The following HTR2C variants were observed in gnomAD, a reference collection of about 807,000 sequenced individuals.
The protein encoded by HTR2C is 5-hydroxytryptamine receptor 2C, also known as 5-hydroxytryptamine (serotonin) receptor 2C, G protein-coupled.
A neutral mutation model predicts 21.0 loss-of-function variants in HTR2C; 5 were observed. That is an observed-to-expected ratio of 0.24 (90% CI 0.12 to 0.50). HTR2C has a LOEUF of 0.50. HTR2C is among the 20% of genes least tolerant of loss of function. The pLI is 0.98. For missense variants in HTR2C, 271 were observed against 371.2 expected (o/e 0.73, Z 2.22); for synonymous variants, 150 against 145.3 (o/e 1.03, Z -0.23).
At chrX:114,720,122 A>G (rs1488266804) in intron 2 of HTR2C, among the ~76,000 whole-genome samples, 1 of 111,455 alleles carries the variant, frequency 9.0e-6, no homozygotes, top group Admixed American at 9.6e-5. Context: ...CCAGAGAAAG[A>G]GATGTCTGTG....
At chrX:114,905,104 G>A (rs782067424) in intron 5 of HTR2C, among the ~76,000 whole-genome samples, 4 of 110,708 alleles carry the variant, frequency 3.6e-5, no homozygotes, top group Admixed American at 9.7e-5. Flanking sequence ...GTGACTTACT[G>A]TTTGCAGTGC....
intron 4 of HTR2C, among the ~76,000 whole-genome samples, chrX:114,759,641 A>G (rs2069846235): frequency 9.0e-6 from 1 of 111,380 alleles, no homozygotes; most frequent in South Asian, 3.8e-4. Context: ...AAATATTTAC[A>G]TCATCTTTAA....
chrX:114,897,580 C>T (rs1226789703), intron 5 of HTR2C, among the ~76,000 whole-genome samples: 1 of 111,170 alleles, frequency 9.0e-6, no homozygotes, highest in African/African-American at 3.3e-5. Flanking sequence ...TGGCAGGCCC[C>T]AGTGTGTATT....
At chrX:114,688,316 A>T (rs1931988070) in intron 2 of HTR2C, among the ~76,000 whole-genome samples, 1 of 40,567 alleles carries the variant, frequency 2.5e-5, no homozygotes, top group African/African-American at 7.4e-5. Context: ...ATGAGACTCC[A>T]TCTCAAAAAA....
Position 114,821,993 on chromosome X carries a change from C to T in HTR2C, c.350-26010C>T, listed in dbSNP as rs140631713. Among the ~76,000 whole-genome samples the T allele has an allele frequency of 3.4e-4, 36 of 105,732 alleles. No homozygotes were observed. The East Asian group carries it at 4.5e-3, about 13-fold the overall frequency. The allele number at this position is 105,732 out of a possible 115,157, so 91.8% of individuals were successfully genotyped here. On this transcript the variant is annotated intron_variant, in intron 4 of 5. Transcript: ENST00000276198. ...TCCCAAGTAGCTGGGCTTACAGGCA[C>T]GCAACATCACCCCTAGATAATTTTT...
At position 114,747,381 on chromosome X, in the gene HTR2C, C is replaced by T. The variant is rs368480119; in HGVS notation, c.349+15774C>T. 3.6e-5 allele frequency among the ~76,000 whole-genome samples: 4 copies of T among 111,906 alleles called. No homozygotes were observed. The South Asian group carries it at 1.5e-3, about 42-fold the overall frequency. On this transcript the variant is annotated intron_variant, in intron 4 of 5. Transcript: ENST00000276198. ...TTCAACATCATACTGCAGGTCCTAG[C>T]CAGTGTAGTAACATAAGAAAAATTA...
intron 5 of HTR2C, among the ~76,000 whole-genome samples, chrX:114,894,965 C>A (rs1418592415): frequency 9.0e-6 from 1 of 111,236 alleles, no homozygotes; most frequent in Non-Finnish European, 1.9e-5. Flanking sequence ...GTGGTCCACT[C>A]GCCTCAGGCT....
At chrX:114,879,508 G>C (rs1479670345) in intron 5 of HTR2C, among the ~76,000 whole-genome samples, 1 of 109,523 alleles carries the variant, frequency 9.1e-6, no homozygotes, top group East Asian at 2.8e-4. Context: ...TTGGTTACAT[G>C]AGTAAGTTCT....
At chrX:114,699,161 AT>A (rs1932379498) in intron 2 of HTR2C, among the ~76,000 whole-genome samples, 1 of 111,730 alleles carries the variant, frequency 9.0e-6, no homozygotes, top group Non-Finnish European at 1.9e-5. Flanking sequence ...TTTTATAGAT[AT>A]TTTGCTTTAA....
intron 4 of HTR2C, among the ~76,000 whole-genome samples, chrX:114,821,196 A>G (rs2070629630): frequency 9.0e-6 from 1 of 111,102 alleles, no homozygotes; most frequent in Non-Finnish European, 1.9e-5. Context: ...TAAACAAGAA[A>G]TTCACTAACT....
chrX:114,807,606 T>C (rs782328122), intron 4 of HTR2C, among the ~76,000 whole-genome samples: 2 of 108,532 alleles, frequency 1.8e-5, no homozygotes, highest in South Asian at 7.8e-4. Flanking sequence ...GGGGTATCCA[T>C]TACCTTAAAT....
chrX:114,696,389 G>A (rs782152593), intron 2 of HTR2C, among the ~76,000 whole-genome samples: 28 of 111,491 alleles, frequency 2.5e-4, no homozygotes, highest in Non-Finnish European at 4.3e-4. Context: ...GTACTGAGAT[G>A]ATGCTTCAAA....
At chrX:114,855,893 C>T (rs1556470815) in intron 5 of HTR2C, among the ~76,000 whole-genome samples, 2 of 105,106 alleles carry the variant, frequency 1.9e-5, no homozygotes, top group Non-Finnish European at 3.9e-5. Flanking sequence ...TTTTTCCATA[C>T]AAGAGAAACT....
chrX:114,745,132 C>A (rs2069689912), intron 4 of HTR2C, among the ~76,000 whole-genome samples: 1 of 112,039 alleles, frequency 8.9e-6, no homozygotes, highest in South Asian at 3.7e-4. Context: ...AGAAAAAAGT[C>A]TAATAATCCA....
At chrX:114,793,066 C>T (rs1556444088) in intron 4 of HTR2C, among the ~76,000 whole-genome samples, 6 of 111,416 alleles carry the variant, frequency 5.4e-5, no homozygotes, top group East Asian at 2.8e-4. Flanking sequence ...CTGTAGGTGG[C>T]GTGTTCAGTC....
intron 2 of HTR2C, among the ~76,000 whole-genome samples, chrX:114,674,770 G>T (rs1666578603): frequency 9.0e-6 from 1 of 111,541 alleles, no homozygotes; most frequent in Admixed American, 9.6e-5. Flanking sequence ...GTAAGTTATG[G>T]TTGAGTGTCT....
At chrX:114,683,417 G>A (rs1478760504) in intron 2 of HTR2C, among the ~76,000 whole-genome samples, 6 of 109,710 alleles carry the variant, frequency 5.5e-5, no homozygotes, top group African/African-American at 1.0e-4. Context: ...GTAAATGTAA[G>A]CTGAAGTTTC....
At chrX:114,776,550 A>G (rs1295123885) in intron 4 of HTR2C, 2 of 529,605 alleles carry the variant, frequency 3.8e-6, no homozygotes, top group African/African-American at 4.6e-5. Context: ...TCAAATCTGC[A>G]TCCAATCAGA....
chrX:114,597,780 G>C, intron 1 of HTR2C, among the ~76,000 whole-genome samples: 1 of 111,717 alleles, frequency 9.0e-6, no homozygotes, highest in Non-Finnish European at 1.9e-5. Flanking sequence ...CACTAGTTTA[G>C]CTAAATTTCA....
Sources: allele counts gnomAD v4.1 joint callset (sites outside exome capture counted in the v4.1 genomes callset), GRCh38; gene constraint gnomAD v4.1.1; transcripts MANE v1.5; gene names NCBI Gene and HGNC (gene_info 2026-07-23, HGNC 2026-07-21).